ITIH1: variants seen among roughly 807,000 people sequenced by gnomAD.
ITIH1 encodes the protein inter-alpha-trypsin inhibitor heavy chain H1.
A neutral mutation model predicts 104.6 loss-of-function variants in ITIH1; 94 were observed. That is an observed-to-expected ratio of 0.90 (90% CI 0.76 to 1.07). ITIH1 has a LOEUF of 1.07. Ranked by LOEUF, ITIH1 falls within the 50% of genes least tolerant of loss-of-function variation. The pLI is 0.00. For synonymous variants in ITIH1, 455 were observed against 464.4 expected (o/e 0.98, Z 0.26); for missense variants, 1,193 against 1,181.4 (o/e 1.01, Z -0.14).
At position 52,791,876 on chromosome 3, in the gene ITIH1, G is replaced by A. The variant is rs1203411982; in HGVS notation, c.2701G>A (p.Ala901Thr). The change falls in exon 22 of 22, where the codon GCC becomes ACC. Residue 901 changes from alanine to threonine, a missense_variant. Physicochemically the swap from Ala to Thr is moderately conservative, Grantham distance 58. Coordinates refer to ENST00000273283, the MANE Select transcript of ITIH1 (RefSeq NM_002215.4). ...CAATGGGGCTGGACTCATCGATGGTGCCTACACTGATTATATCGTCCCCGA... is the reference window on the plus strand; with the variant it reads ...CAATGGGGCTGGACTCATCGATGGTACCTACACTGATTATATCGTCCCCGA... The part of the protein sequence containing the change: ...HNNGAGLIDG[A>T]YTDYIVPDIF The A allele has an allele frequency of 6.8e-6, 11 of 1,613,890 alleles. No individual in the cohort carries two copies. The highest frequency in any genetic ancestry group is 9.3e-6 in the Non-Finnish European group (11 of 1,179,932).
At chr3:52,787,450 T>C in intron 15 of ITIH1, 142 bp from the exon 16 acceptor site, 2 of 1,059,170 alleles carry the variant, frequency 1.9e-6, no homozygotes, top group East Asian at 2.4e-5. Flanking sequence ...TGTATGTCTG[T>C]GAGGAGGCAG....
chr3:52,787,976 C>G lies in ITIH1; in HGVS notation c.1925-10C>G, dbSNP rs778783678. The stretch of plus-strand genomic sequence containing the variant: ...GCCCCGCTTCTAAATGCCACTCCCC[C>G]TCCCATCAGCGTTCGTGCTGTCAGC... On this transcript the variant is annotated splice_polypyrimidine_tract_variant and intron_variant, in intron 16 of 21. Coordinates refer to ENST00000273283, the MANE Select transcript of ITIH1 (RefSeq NM_002215.4). The G allele has an allele frequency of 1.2e-4, 200 of 1,607,506 alleles. No homozygotes were observed. The Middle Eastern group carries it at 6.1e-3, about 49-fold the overall frequency.
At chr3:52,782,832 G>C in intron 8 of ITIH1, 125 bp from the exon 9 acceptor site, 1 of 938,934 alleles carries the variant, frequency 1.1e-6, no homozygotes, top group Admixed American at 2.4e-5. Context: ...GGGGCCACCT[G>C]GTTGTCCTAT....
Position 52,789,736 on chromosome 3 carries a change from A to C in ITIH1, c.2203A>C (p.Ile735Leu). 2 of 1,614,210 alleles carry C rather than the reference A, an allele frequency of 1.2e-6. No individual in the cohort carries two copies. The highest frequency in any genetic ancestry group is 2.2e-5 in the South Asian group (2 of 91,084). The change falls in exon 19 of 22, where the codon ATC (isoleucine) becomes CTC (leucine). Residue 735 changes from isoleucine (I) to leucine (L), a missense_variant. Ile to Leu is a conservative substitution (Grantham distance 5). Transcript: ENST00000273283. Reference protein sequence around the residue: ...HDGTYFGRLGIANPATDFQLE... With the variant: ...HDGTYFGRLGLANPATDFQLE... ...CGGCACGTACTTCGGGCGGCTGGGA[A>C]TCGCAAACCCTGCCACGGACTTTCA...
chr3:52,787,100 G>GTA lies in ITIH1; in HGVS notation c.1888+4_1888+5dup. 6.2e-7 allele frequency: 1 copy of GTA among 1,614,234 alleles called. No homozygotes were observed. Among genetic ancestry groups the GTA allele is most frequent in the South Asian group, 1.1e-5 (1 of 91,082 alleles). On this transcript the variant is annotated splice_donor_variant, in intron 14 of 21. Coordinates refer to ENST00000273283, the MANE Select transcript of ITIH1 (RefSeq NM_002215.4). LOFTEE classifies it high-confidence loss of function. ...CCCACCATCGACAAGCCCTCAGAGG[G>GTA]TATAGGCTGCAGGGGTCTACAGAAG...
chr3:52,788,161 C>G (rs1034990188), intron 17 of ITIH1, 71 bp from the exon 18 acceptor site: 4 of 1,516,620 alleles, frequency 2.6e-6, no homozygotes, highest in Non-Finnish European at 3.6e-6. Context: ...ACCTGCCTAG[C>G]TGAACCCCAA....
chr3:52,779,419 G>C lies in ITIH1; in HGVS notation c.411-13G>C. The C allele has an allele frequency of 6.8e-6, 11 of 1,614,178 alleles. No homozygotes were observed. The highest frequency in any genetic ancestry group is 8.5e-6 in the Non-Finnish European group (10 of 1,179,998). ...CTCTGTCTGTCTGCTGTTGCCTCTGGTGGCACATCCAGGGCCTCGGGGAGA... is the reference window on the plus strand; with the variant it reads ...CTCTGTCTGTCTGCTGTTGCCTCTGCTGGCACATCCAGGGCCTCGGGGAGA... On this transcript the variant is annotated splice_polypyrimidine_tract_variant and intron_variant, in intron 4 of 21. Transcript: ENST00000273283. The surrounding 1 kb of genome is among the most constrained non-coding windows in gnomAD (Gnocchi z 4.4).
chr3:52,780,020 C>T (rs1449071654), intron 5 of ITIH1: 4 of 1,351,212 alleles, frequency 3.0e-6, no homozygotes, highest in Non-Finnish European at 2.9e-6. Flanking sequence ...AGTACCAGGC[C>T]CTGTGATCAG....
intron 3 of ITIH1, 97 bp from the exon 4 acceptor site, chr3:52,778,845 A>G: frequency 1.8e-6 from 2 of 1,100,358 alleles, no homozygotes; most frequent in Non-Finnish European, 2.7e-6. Flanking sequence ...GCTCGTCAGG[A>G]GACGTCCTTA....
In ITIH1 at chr3:52,777,621, C is replaced by A. The variant is rs369079191; in HGVS notation, c.6C>A (p.Asp2Glu). Reference protein sequence around the residue: MDGAMGPRGLLL... With the variant: MEGAMGPRGLLL... Reference sequence around the variant, plus strand: ...GGCAGCAGGAGCCTTAGAGCATGGACGGTGCCATGGGGCCTCGGGGGCTGC... The same window carrying A: ...GGCAGCAGGAGCCTTAGAGCATGGAAGGTGCCATGGGGCCTCGGGGGCTGC... The change falls in exon 1 of 22, where the codon GAC (aspartate) becomes GAA (glutamate). Residue 2 changes from aspartate to glutamate, a missense_variant. Coordinates refer to ENST00000273283, the MANE Select transcript of ITIH1 (RefSeq NM_002215.4). 1 of 1,578,820 alleles carries A rather than the reference C, an allele frequency of 6.3e-7. No homozygotes were observed.
Position 52,791,897 on chromosome 3 carries a change from C to A in ITIH1, c.2722C>A (p.Pro908Thr), listed in dbSNP as rs753938428. ...TGGTGCCTACACTGATTATATCGTC[C>A]CCGACATCTTCTGAGCCCTCTGGCC... Reference protein sequence around the residue: ...IDGAYTDYIVPDIF With the variant: ...IDGAYTDYIVTDIF The change falls in exon 22 of 22, where the codon CCC becomes ACC. Residue 908 changes from proline to threonine, a missense_variant. Transcript: ENST00000273283. 6.2e-7 allele frequency: 1 copy of A among 1,612,708 alleles called. No homozygotes were observed. Among genetic ancestry groups the A allele is most frequent in the Non-Finnish European group, 8.5e-7 (1 of 1,179,266 alleles).
rs773124373 is a variant in ITIH1 at position 52,789,803 on chromosome 3, T to C, written c.2270T>C (p.Phe757Ser). The C allele has an allele frequency of 1.9e-6, 3 of 1,614,260 alleles. No homozygotes were observed. Among genetic ancestry groups the C allele is most frequent in the Non-Finnish European group, 2.5e-6 (3 of 1,180,046 alleles). Residue 757 changes from phenylalanine to serine, a missense_variant, in exon 19 of 22, where the codon TTT (phenylalanine) becomes TCT (serine). Physicochemically the swap from Phe to Ser is radical, Grantham distance 155. Coordinates refer to ENST00000273283, the MANE Select transcript of ITIH1 (RefSeq NM_002215.4). Reference sequence around the variant, plus strand: ...CAGAACATTACGCTGAACCCCGGCTTTGGTGGGCCTGTGTTTTCCTGGAGG... The same window carrying C: ...CAGAACATTACGCTGAACCCCGGCTCTGGTGGGCCTGTGTTTTCCTGGAGG... The part of the protein sequence containing the change: ...TPQNITLNPG[F>S]GGPVFSWRDQ...
Position 52,787,115 on chromosome 3 carries a change from GT to G in ITIH1, c.1888+17del. ...CCCTCAGAGGGTATAGGCTGCAGGG[GT>G]CTACAGAAGGGAGAGGCCATGGGCC... On this transcript the variant is annotated intron_variant, in intron 14 of 21. Coordinates refer to ENST00000273283, the MANE Select transcript of ITIH1 (RefSeq NM_002215.4). The G allele has an allele frequency of 6.2e-7, 1 of 1,614,206 alleles. No individual in the cohort carries two copies. The highest frequency in any genetic ancestry group is 8.5e-7 in the Non-Finnish European group (1 of 1,180,024).
intron 1 of ITIH1, 87 bp downstream of exon 1, chr3:52,777,819 C>A: frequency 7.3e-7 from 1 of 1,368,706 alleles, no homozygotes; most frequent in Non-Finnish European, 1.0e-6. Flanking sequence ...TTCAAGGGGC[C>A]AGGGTCACCC....
Position 52,778,985 on chromosome 3 carries a change from G to C in ITIH1, c.349G>C (p.Val117Leu), listed in dbSNP as rs767748491. 1.2e-6 allele frequency: 2 copies of C among 1,614,156 alleles called. No homozygotes were observed. The highest frequency in any genetic ancestry group is 2.2e-5 in the South Asian group (2 of 91,084). ...NAFIGDIKDKVTAWKQYRKAA... is the reference protein window; with the variant it reads ...NAFIGDIKDKLTAWKQYRKAA... ...ATTTATCGGAGACATAAAGGACAAG[G>C]TGACTGCATGGAAGCAGTACCGGAA... The change falls in exon 4 of 22, where the codon GTG becomes CTG. Residue 117 changes from valine to leucine, a missense_variant. Val to Leu is a conservative substitution (Grantham distance 32). Transcript: ENST00000273283.
At position 52,788,138 on chromosome 3, in the gene ITIH1, G is replaced by C. The variant is rs967002843; in HGVS notation, c.2005+72G>C. 12 of 1,506,136 alleles carry C rather than the reference G, an allele frequency of 8.0e-6. No homozygotes were observed. The East Asian group carries it at 9.0e-5, about 11-fold the overall frequency. 93.3% of individuals were successfully genotyped at this position (1,506,136 alleles called of 1,614,324 possible). ...CCTATCTGGCTGTCTCTCTCTCTCT[G>C]TCTCTCTCTGGGACCTGCCTAGCTG... is the stretch of plus-strand genomic sequence containing the variant. On this transcript the variant is annotated intron_variant, in intron 17 of 21. Transcript: ENST00000273283.
In ITIH1 at chr3:52,782,057, G is replaced by A. The variant is rs762365418; in HGVS notation, c.805G>A (p.Asp269Asn). The A allele has an allele frequency of 7.4e-6, 12 of 1,614,010 alleles. No homozygotes were observed. The highest frequency in any genetic ancestry group is 1.7e-5 in the Admixed American group (1 of 59,990). Residue 269 changes from aspartate to asparagine, a missense_variant, in exon 7 of 22, where the codon GAC (aspartate) becomes AAC (asparagine). Transcript: ENST00000273283. ...TYDVSRDKIC[D>N]LLVANNHFAH... ...CGATGTCAGTCGAGACAAGATCTGC[G>A]ACCTCCTGGTGAGCCCTGAGCTTCT...
At chr3:52,791,070 G>A (rs1380481602) in intron 20 of ITIH1, 149 bp downstream of exon 20, 1 of 765,444 alleles carries the variant, frequency 1.3e-6, no homozygotes, top group East Asian at 2.8e-5. Flanking sequence ...CGTCTGAGGG[G>A]CTGTGTTGGT....
Position 52,790,904 on chromosome 3 carries a change from G to A in ITIH1, c.2477G>A (p.Arg826Gln), listed in dbSNP as rs150805073. The change falls in exon 20 of 22, where the codon CGG becomes CAG. Residue 826 changes from arginine to glutamine, a missense_variant. By Grantham distance (43) the Arg-to-Gln change is conservative. Coordinates refer to ENST00000273283, the MANE Select transcript of ITIH1 (RefSeq NM_002215.4). ...CTGGACAGTCATCGGATGTCAGCCCGGACGCACGGGCTGCTGGGTACGGCT... is the reference window on the plus strand; with the variant it reads ...CTGGACAGTCATCGGATGTCAGCCCAGACGCACGGGCTGCTGGGTACGGCT... ...YVLDSHRMSA[R>Q]THGLLGQFFH... 1.9e-4 allele frequency: 310 copies of A among 1,603,912 alleles called. 1 individual carries two copies. The highest frequency in any genetic ancestry group is 2.2e-4 in the Non-Finnish European group (258 of 1,176,414).
Sources: allele counts gnomAD v4.1 joint callset, GRCh38; gene constraint gnomAD v4.1.1; non-coding constraint Gnocchi (gnomAD v3.1); transcripts MANE v1.5; gene names NCBI Gene and HGNC (gene_info 2026-07-23, HGNC 2026-07-21).